MLXIPL: variants seen among roughly 807,000 people sequenced by gnomAD.
The protein encoded by MLXIPL is MLX interacting protein like.
Under a neutral mutation model 81.5 loss-of-function variants are expected in MLXIPL, and 49 were observed. The observed-to-expected ratio is 0.60, with a 90% CI of 0.48 to 0.76. MLXIPL has a LOEUF of 0.76. Among genes scored for constraint, MLXIPL ranks in the 30% least tolerant of loss-of-function variants. The pLI is 0.00. For missense variants in MLXIPL, 1,053 were observed against 1,167.0 expected, an observed-to-expected ratio of 0.90 and a Z score of 1.42; for synonymous variants, 466 against 485.5, an observed-to-expected ratio of 0.96 and a Z score of 0.53.
the MLXIPL span, among the ~76,000 whole-genome samples, chr7:73,643,894 G>T: frequency 6.6e-6 from 1 of 152,040 alleles, no homozygotes; most frequent in Non-Finnish European, 1.5e-5. Flanking sequence ...AGCCTCCCAA[G>T]TAGCTGGGAC....
the MLXIPL span, among the ~76,000 whole-genome samples, chr7:73,641,050 C>G: frequency 6.6e-6 from 1 of 151,990 alleles, no homozygotes; most frequent in Admixed American, 6.6e-5. Flanking sequence ...GTCTGTAATC[C>G]TCGCACTTTG....
chr7:73,606,698 T>A (rs1795307154), intron 5 of MLXIPL: 1 of 456,576 alleles, frequency 2.2e-6, no homozygotes. Flanking sequence ...AGTGCTGGGA[T>A]GACAGGCGTG....
intron 7 of MLXIPL, among the ~76,000 whole-genome samples, chr7:73,602,098 TCCTGCCTG>T (rs1207215774): frequency 1.3e-4 from 14 of 104,124 alleles, no homozygotes; most frequent in Non-Finnish European, 2.0e-4. Context: ...CTGCCTGCCT[TCCTGCCTG>T]CCTGCCTGCC....
intron 1 of MLXIPL, among the ~76,000 whole-genome samples, chr7:73,618,410 CT>C (rs1796124645): frequency 6.6e-6 from 1 of 152,120 alleles, no homozygotes; most frequent in African/African-American, 2.4e-5. Flanking sequence ...AAGGCTTAGT[CT>C]TTCAGAAAAC....
the MLXIPL span, among the ~76,000 whole-genome samples, chr7:73,645,737 G>C: frequency 6.6e-6 from 1 of 152,160 alleles, no homozygotes; most frequent in Non-Finnish European, 1.5e-5. Flanking sequence ...GACAGGGCTT[G>C]CCAAGGTCAC....
intron 1 of MLXIPL, among the ~76,000 whole-genome samples, chr7:73,620,447 A>G (rs1554601704): frequency 6.6e-6 from 1 of 151,132 alleles, no homozygotes; most frequent in East Asian, 2.0e-4. Flanking sequence ...AAAACTATTA[A>G]AAGAAGAAAA....
the MLXIPL span, among the ~76,000 whole-genome samples, chr7:73,632,787 C>CTTCA: frequency 4.1e-5 from 5 of 120,646 alleles, no homozygotes; most frequent in African/African-American, 1.6e-4. Flanking sequence ...TCCTTCCTTC[C>CTTCA]TTCCTTCCTT....
At chr7:73,624,141 G>GA in intron 1 of MLXIPL, 59 bp downstream of exon 1, 4 of 1,320,908 alleles carry the variant, frequency 3.0e-6, no homozygotes, top group Admixed American at 2.3e-5. Flanking sequence ...TCCTGCCCCG[G>GA]ACCCCCCCCC....
the MLXIPL span, among the ~76,000 whole-genome samples, chr7:73,635,366 C>T: frequency 6.6e-6 from 1 of 152,052 alleles, no homozygotes; most frequent in African/African-American, 2.4e-5. Context: ...GTCATCCGTC[C>T]AGCCATCCAT....
At chr7:73,633,190 T>C in the MLXIPL span, among the ~76,000 whole-genome samples, 41,885 of 149,706 alleles carry the variant, frequency 0.28, 6,055 homozygotes, top group African/African-American at 0.34. Flanking sequence ...ATGCCATTCT[T>C]CTGCCTCAGC....
intron 1 of MLXIPL, among the ~76,000 whole-genome samples, chr7:73,621,447 C>T (rs978633217): frequency 2.0e-5 from 3 of 151,924 alleles, no homozygotes; most frequent in East Asian, 3.9e-4. Flanking sequence ...CCTGGTCAAG[C>T]TCGCTGTTCT....
chr7:73,624,484 G>A lies in MLXIPL; in HGVS notation c.9C>T (p.Gly3=), dbSNP rs112077912. 5.2e-6 allele frequency: 8 copies of A among 1,525,348 alleles called. No individual in the cohort carries two copies. The highest frequency in any genetic ancestry group is 1.2e-5 in the South Asian group (1 of 83,104). The allele number at this position is 1,525,348 out of a possible 1,614,324, so 94.5% of individuals were successfully genotyped here. A position where few individuals can be genotyped will look rare whatever the true frequency, so the allele number is the denominator to read the frequency against. Residue 3 remains glycine (G), a synonymous_variant, in exon 1 of 17, where the codon GGC becomes GGT. Transcript: ENST00000313375. Reference sequence around the variant, plus strand: ...AGCCCGCGGCCAGACCTGCCAGCGCGCCGGCCATGGCTGTCGCCGCCGCAA... The same window carrying A: ...AGCCCGCGGCCAGACCTGCCAGCGCACCGGCCATGGCTGTCGCCGCCGCAA... MA[G]ALAGLAAGLQ...
At chr7:73,621,043 C>CT in intron 1 of MLXIPL, among the ~76,000 whole-genome samples, 1 of 149,354 alleles carries the variant, frequency 6.7e-6, no homozygotes, top group African/African-American at 2.5e-5. Context: ...GAGTGAGACT[C>CT]TGTCTCCAAA....
chr7:73,642,325 G>A, the MLXIPL span, among the ~76,000 whole-genome samples: 3 of 151,778 alleles, frequency 2.0e-5, no homozygotes, highest in African/African-American at 7.3e-5. Context: ...ACATTTAGGG[G>A]TTTTTAATGG....
chr7:73,633,798 C>T, the MLXIPL span, among the ~76,000 whole-genome samples: 2 of 152,122 alleles, frequency 1.3e-5, no homozygotes, highest in African/African-American at 4.8e-5. Flanking sequence ...CTGAGCACCT[C>T]AAAGTGAGAA....
At position 73,618,199 on chromosome 7, in the gene MLXIPL, T is replaced by A. The variant is rs550178304; in HGVS notation, c.294-2022A>T. On this transcript the variant is annotated intron_variant, in intron 1 of 16. Transcript: ENST00000313375. ...GCAACTTCCGTCTCCCAGGTTCAAA[T>A]GATTCTCGTGCCTCAGCCCCCTGAG... 3.9e-5 allele frequency among the ~76,000 whole-genome samples: 6 copies of A among 152,288 alleles called. No individual in the cohort carries two copies. In the East Asian group the frequency reaches 1.2e-3, roughly 29 times the overall value.
At chr7:73,627,171 G>A (rs782389523), upstream of MLXIPL, among the ~76,000 whole-genome samples, 11 of 152,010 alleles carry the variant, frequency 7.2e-5, no homozygotes, top group Admixed American at 2.0e-4. Context: ...GTTAGGAAAG[G>A]GGGTTCTGAT....
chr7:73,646,380 A>G, the MLXIPL span, among the ~76,000 whole-genome samples: 4 of 152,116 alleles, frequency 2.6e-5, no homozygotes, highest in Non-Finnish European at 5.9e-5. Flanking sequence ...GCTGACAAAC[A>G]TCATCTCCAC....
At position 73,623,152 on chromosome 7, in the gene MLXIPL, G is replaced by A. The variant is rs1175904871; in HGVS notation, c.293+1048C>T. 6.6e-6 allele frequency among the ~76,000 whole-genome samples: 1 copy of A among 152,172 alleles called. No individual in the cohort carries two copies. Among genetic ancestry groups the A allele is most frequent in the Non-Finnish European group, 1.5e-5 (1 of 68,030 alleles). ...TCGCAGCTGGGCGGCTGCGGTTGGGGGCAGGCAACACTCCCCTCACAGTCC... is the reference window on the plus strand; with the variant it reads ...TCGCAGCTGGGCGGCTGCGGTTGGGAGCAGGCAACACTCCCCTCACAGTCC... On this transcript the variant is annotated intron_variant, in intron 1 of 16. Transcript: ENST00000313375. The surrounding 1 kb of genome is among the most constrained non-coding windows in gnomAD (Gnocchi z 5.7).
Sources: gnomAD v4.1 joint callset for allele counts (sites outside exome capture counted in the v4.1 genomes callset) on GRCh38, gnomAD v4.1.1 for gene constraint, Gnocchi (gnomAD v3.1) non-coding constraint, MANE v1.5 for transcripts, NCBI Gene and HGNC (gene_info 2026-07-23, HGNC 2026-07-21) for gene names.